The following CD1B variants were observed in gnomAD, a reference collection of about 807,000 sequenced individuals.
CD1B encodes CD1b molecule.
Under a neutral mutation model 39.8 loss-of-function variants are expected in CD1B, and 43 were observed. That is an observed-to-expected ratio of 1.08 (90% CI 0.85 to 1.39). The LOEUF (loss-of-function observed/expected upper bound fraction) is 1.39, where lower values mean the gene tolerates loss of function less well. Among genes scored for constraint, CD1B ranks in the 40% most tolerant of loss-of-function variants. The pLI is 0.00. For missense variants in CD1B, 495 were observed against 403.8 expected, an observed-to-expected ratio of 1.23 and a Z score of -1.94; for synonymous variants, 192 against 152.5, an observed-to-expected ratio of 1.26 and a Z score of -1.91.
the CD1B span, chr1:158,289,855 G>A: frequency 1.6e-5 from 8 of 509,516 alleles, no homozygotes; most frequent in Non-Finnish European, 2.5e-5. Context: ...TGAGAGAAGA[G>A]AATAACTTTA....
the CD1B span, chr1:158,291,423 T>C: frequency 1.2e-6 from 2 of 1,608,352 alleles, no homozygotes; most frequent in Non-Finnish European, 1.7e-6. Context: ...ATCTAAATTA[T>C]GGGAGTTCTT....
chr1:158,308,616 C>T, the CD1B span, among the ~76,000 whole-genome samples: 2 of 152,184 alleles, frequency 1.3e-5, no homozygotes, highest in Non-Finnish European at 2.9e-5. Context: ...CAGCATGGTA[C>T]TGGTACCAAA....
chr1:158,312,871 G>T, the CD1B span, among the ~76,000 whole-genome samples: 1,873 of 152,264 alleles, frequency 0.012, 38 homozygotes, highest in African/African-American at 0.04. Context: ...CTGGCTAGGA[G>T]TTCCAGTACA....
chr1:158,292,427 C>T, the CD1B span: 2 of 1,543,402 alleles, frequency 1.3e-6, no homozygotes, highest in African/African-American at 1.4e-5. Flanking sequence ...CTTCTGTTCC[C>T]ACCCTTCAAA....
At chr1:158,329,069 C>T in intron 4 of CD1B, 55 bp from the exon 5 acceptor site, 2 of 1,421,476 alleles carry the variant, frequency 1.4e-6, no homozygotes, top group Non-Finnish European at 2.0e-6. Context: ...ACACAGAATT[C>T]CTTGGCCTTC....
chr1:158,301,739 T>C, the CD1B span, among the ~76,000 whole-genome samples: 1 of 152,188 alleles, frequency 6.6e-6, no homozygotes, highest in Non-Finnish European at 1.5e-5. Context: ...ATTTCAACCT[T>C]CGTGAGTCTG....
chr1:158,322,542 T>G, the CD1B span, among the ~76,000 whole-genome samples: 10 of 151,896 alleles, frequency 6.6e-5, no homozygotes, highest in African/African-American at 2.2e-4. Flanking sequence ...AGTGGTGGGG[T>G]TACAGCCATG....
the CD1B span, among the ~76,000 whole-genome samples, chr1:158,304,101 G>A: frequency 6.6e-6 from 1 of 152,116 alleles, no homozygotes; most frequent in Non-Finnish European, 1.5e-5. Flanking sequence ...GTGCAGGACA[G>A]TGGGTGCAGT....
At chr1:158,305,116 G>A in the CD1B span, among the ~76,000 whole-genome samples, 2 of 152,130 alleles carry the variant, frequency 1.3e-5, no homozygotes, top group East Asian at 1.9e-4. Context: ...AGAGAAGAAG[G>A]CATCAGACGA....
chr1:158,319,613 C>T, the CD1B span, among the ~76,000 whole-genome samples: 1 of 152,150 alleles, frequency 6.6e-6, no homozygotes, highest in East Asian at 1.9e-4. Flanking sequence ...TTTGAATGTC[C>T]TCCTGTAGCT....
Position 158,328,194 on chromosome 1 carries a change from C to T in CD1B, c.*42G>A. Reference sequence around the variant, plus strand: ...ACTTTTGGGCTGATATCTTGGGCTTCTTGGTACTTATTGCGAATGGGAGAG... The same window carrying T: ...ACTTTTGGGCTGATATCTTGGGCTTTTTGGTACTTATTGCGAATGGGAGAG... On this transcript the variant is annotated 3_prime_UTR_variant, in exon 6 of 6. Coordinates refer to ENST00000368168, the MANE Select transcript of CD1B (RefSeq NM_001764.3). The T allele has an allele frequency of 6.5e-7, 1 of 1,547,048 alleles. No homozygotes were observed. The highest frequency in any genetic ancestry group is 1.1e-5 in the South Asian group (1 of 88,070).
the CD1B span, among the ~76,000 whole-genome samples, chr1:158,298,052 T>A: frequency 1.3e-5 from 2 of 151,132 alleles, no homozygotes; most frequent in Non-Finnish European, 2.9e-5. Context: ...TGGCAAAAAA[T>A]CTGTCAAGCA....
At chr1:158,298,377 G>C in the CD1B span, among the ~76,000 whole-genome samples, 1 of 152,080 alleles carries the variant, frequency 6.6e-6, no homozygotes, top group Admixed American at 6.6e-5. Flanking sequence ...ACTTAAACTC[G>C]ACACTTGACC....
chr1:158,316,049 T>G, the CD1B span, among the ~76,000 whole-genome samples: 2 of 152,060 alleles, frequency 1.3e-5, no homozygotes, highest in African/African-American at 4.8e-5. Context: ...CATGCTGTTT[T>G]GGTTACTGTA....
chr1:158,294,462 C>G, the CD1B span, among the ~76,000 whole-genome samples: 2 of 152,090 alleles, frequency 1.3e-5, no homozygotes, highest in Non-Finnish European at 2.9e-5. Flanking sequence ...CTCAATCTGT[C>G]CATGTTTCTT....
chr1:158,297,058 C>T, the CD1B span, among the ~76,000 whole-genome samples: 8 of 152,220 alleles, frequency 5.3e-5, no homozygotes, highest in Middle Eastern at 6.8e-3. Context: ...ATTTTCTCAA[C>T]TTCACTATAG....
chr1:158,306,490 AAC>A, the CD1B span, among the ~76,000 whole-genome samples: 1 of 152,208 alleles, frequency 6.6e-6, no homozygotes, highest in Non-Finnish European at 1.5e-5. Context: ...GGGAGATTTT[AAC>A]ACCCCACTGT....
the CD1B span, chr1:158,293,591 A>G: frequency 6.2e-7 from 1 of 1,612,128 alleles, no homozygotes; most frequent in Non-Finnish European, 8.5e-7. Context: ...CTTTCTGCAT[A>G]ATAAACATTT....
the CD1B span, among the ~76,000 whole-genome samples, chr1:158,299,339 C>T: frequency 6.6e-6 from 1 of 152,042 alleles, no homozygotes; most frequent in African/African-American, 2.4e-5. Context: ...ATATGTTGAA[C>T]CAGCCTTGCA....
Sources: allele counts gnomAD v4.1 joint callset (sites outside exome capture counted in the v4.1 genomes callset), GRCh38; gene constraint gnomAD v4.1.1; transcripts MANE v1.5; gene names NCBI Gene and HGNC (gene_info 2026-07-23, HGNC 2026-07-21).